KCNH8: variants seen among roughly 807,000 people sequenced by gnomAD.
KCNH8 encodes the protein potassium voltage-gated channel subfamily H member 8.
KCNH8 carries 70 observed loss-of-function variants against 103.6 expected under a neutral mutation model. The observed-to-expected ratio is 0.68, with a 90% CI of 0.56 to 0.82. KCNH8 has a LOEUF of 0.82. Ranked by LOEUF, KCNH8 falls within the 40% of genes least tolerant of loss-of-function variation. The pLI is 0.00. For synonymous variants in KCNH8, 498 were observed against 489.4 expected, an observed-to-expected ratio of 1.02 and a Z score of -0.23; for missense variants, 1,217 against 1,329.9, an observed-to-expected ratio of 0.92 and a Z score of 1.32.
rs146840779 is a variant in KCNH8, at chr3:19,255,859, T to C, written c.310+1972T>C. Among the ~76,000 whole-genome samples, 131 of 152,236 alleles carry C rather than the reference T, an allele frequency of 8.6e-4. 1 individual carries two copies. The highest frequency in any genetic ancestry group is 3.0e-3 in the African/African-American group (124 of 41,580). On this transcript the variant is annotated intron_variant, in intron 2 of 15. Transcript: ENST00000328405. ...GGCTAGAAAACCAGTTTCAACCATT[T>C]GACAAGGACAATAACATAATGAAAT...
At chr3:19,454,661 T>C (rs1038153550) in intron 10 of KCNH8, among the ~76,000 whole-genome samples, 10 of 152,130 alleles carry the variant, frequency 6.6e-5, no homozygotes, top group African/African-American at 1.9e-4. Context: ...TATGATTCAA[T>C]TGGATATTTC....
intron 11 of KCNH8, among the ~76,000 whole-genome samples, chr3:19,478,318 T>C (rs1473886648): frequency 6.6e-6 from 1 of 152,082 alleles, no homozygotes; most frequent in Non-Finnish European, 1.5e-5. Context: ...GATTGCTGGA[T>C]TGAATGGTGG....
At chr3:19,483,341 T>C (rs1384187032) in intron 11 of KCNH8, among the ~76,000 whole-genome samples, 1 of 152,212 alleles carries the variant, frequency 6.6e-6, no homozygotes, top group African/African-American at 2.4e-5. Flanking sequence ...GTGACTGTTT[T>C]CGTGTTACCA....
chr3:19,291,805 C>T (rs2064931437), intron 3 of KCNH8, among the ~76,000 whole-genome samples: 1 of 152,116 alleles, frequency 6.6e-6, no homozygotes, highest in Non-Finnish European at 1.5e-5. Flanking sequence ...TCCTTGTTAA[C>T]TTTCTGTCTC....
intron 10 of KCNH8, among the ~76,000 whole-genome samples, chr3:19,452,340 G>C (rs1312082399): frequency 6.6e-6 from 1 of 152,090 alleles, no homozygotes; most frequent in Non-Finnish European, 1.5e-5. Flanking sequence ...AGCCAAGATA[G>C]TGCCACTGAA....
chr3:19,382,721 G>C (rs909284149), intron 5 of KCNH8, among the ~76,000 whole-genome samples: 2 of 151,958 alleles, frequency 1.3e-5, no homozygotes, highest in Non-Finnish European at 2.9e-5. Context: ...CCACAACCTA[G>C]GGAGTTGGAC....
chr3:19,276,400 A>T (rs1403316741), intron 2 of KCNH8, among the ~76,000 whole-genome samples: 1 of 152,048 alleles, frequency 6.6e-6, no homozygotes, highest in Non-Finnish European at 1.5e-5. Flanking sequence ...ATATTATGTT[A>T]TTGTTGCTAT....
chr3:19,527,775 G>A (rs9871028), intron 15 of KCNH8, among the ~76,000 whole-genome samples: 113,165 of 151,974 alleles, frequency 0.74, 43,230 homozygotes, highest in African/African-American at 0.93. Context: ...TCATGACAGG[G>A]GATGTTGTTT....
Position 19,535,186 on chromosome 3 carries a change from G to C in KCNH8, c.*1087G>C, listed in dbSNP as rs1430322236. 4 of 152,170 alleles carry C rather than the reference G, an allele frequency of 2.6e-5. No homozygotes were observed. The highest frequency in any genetic ancestry group is 9.7e-5 in the African/African-American group (4 of 41,412). 9.4% of individuals were successfully genotyped at this position (152,170 alleles called of 1,614,324 possible). A position where few individuals can be genotyped will look rare whatever the true frequency, so the allele number is the denominator to read the frequency against. On this transcript the variant is annotated 3_prime_UTR_variant, in exon 16 of 16. Coordinates refer to ENST00000328405, the MANE Select transcript of KCNH8 (RefSeq NM_144633.3). ...GAAAACCTGGGTGTGTCCTTTCCCA[G>C]TGCTTTTCTTTTACAAGAGGTAGTA...
intron 8 of KCNH8, among the ~76,000 whole-genome samples, chr3:19,446,308 C>A (rs556698080): frequency 1.3e-4 from 19 of 151,988 alleles, no homozygotes; most frequent in African/African-American, 4.6e-4. Flanking sequence ...TAGTAAAGAT[C>A]GTTCATCACT....
chr3:19,445,121 G>A (rs2067344053), intron 8 of KCNH8, among the ~76,000 whole-genome samples: 1 of 151,940 alleles, frequency 6.6e-6, no homozygotes, highest in South Asian at 2.1e-4. Context: ...ACCTATTCAA[G>A]AGAACATTAT....
intron 11 of KCNH8, among the ~76,000 whole-genome samples, chr3:19,492,757 G>C (rs951935245): frequency 2.6e-5 from 4 of 151,850 alleles, no homozygotes; most frequent in African/African-American, 7.3e-5. Context: ...CACTGAATCT[G>C]TAAGTTGCTT....
chr3:19,523,518 G>A (rs531001140), intron 15 of KCNH8, among the ~76,000 whole-genome samples: 101 of 151,938 alleles, frequency 6.6e-4, no homozygotes, highest in Middle Eastern at 3.4e-3. Flanking sequence ...TTTATTTCTC[G>A]TTCAAGCAAA....
intron 1 of KCNH8, among the ~76,000 whole-genome samples, chr3:19,248,806 A>C (rs545293054): frequency 7.6e-4 from 116 of 152,184 alleles, no homozygotes; most frequent in African/African-American, 2.7e-3. Context: ...TCCTACCCGC[A>C]TTCTCTTTGG....
At chr3:19,322,789 TC>T (rs769413661) in intron 3 of KCNH8, among the ~76,000 whole-genome samples, 2 of 152,344 alleles carry the variant, frequency 1.3e-5, no homozygotes, top group Non-Finnish European at 2.9e-5. Flanking sequence ...TAACATGTTT[TC>T]CAAACTTTTA....
intron 1 of KCNH8, among the ~76,000 whole-genome samples, chr3:19,180,521 T>C (rs1349782043): frequency 6.6e-6 from 1 of 152,096 alleles, no homozygotes; most frequent in African/African-American, 2.4e-5. Context: ...AATAAGCCAT[T>C]AGCAGTTTCA....
chr3:19,205,082 C>G (rs1241259429), intron 1 of KCNH8, among the ~76,000 whole-genome samples: 1 of 151,988 alleles, frequency 6.6e-6, no homozygotes, highest in African/African-American at 2.4e-5. Context: ...CCCACCCACC[C>G]ACCAAACCAG....
chr3:19,340,366 T>G (rs2065644610), intron 3 of KCNH8, among the ~76,000 whole-genome samples: 1 of 150,744 alleles, frequency 6.6e-6, no homozygotes, highest in Non-Finnish European at 1.5e-5. Context: ...AATTTTTTTT[T>G]TTTTTATTAT....
chr3:19,352,521 A>T (rs2065817700), intron 5 of KCNH8, among the ~76,000 whole-genome samples: 1 of 152,158 alleles, frequency 6.6e-6, no homozygotes, highest in Non-Finnish European at 1.5e-5. Context: ...AACAGAAATT[A>T]TAAAAAAGTG....
Sources: allele counts gnomAD v4.1 joint callset (sites outside exome capture counted in the v4.1 genomes callset), GRCh38; gene constraint gnomAD v4.1.1; transcripts MANE v1.5; gene names NCBI Gene and HGNC (gene_info 2026-07-23, HGNC 2026-07-21).